EYS: variants seen among roughly 807,000 people sequenced by gnomAD.
EYS encodes protein eyes shut homolog.
Under a neutral mutation model 282.1 loss-of-function variants are expected in EYS, and 250 were observed. The ratio of observed to expected loss-of-function variants is 0.89; its 90% CI spans 0.80 to 0.98. The LOEUF is 0.98. Ranked by LOEUF, EYS falls within the 50% of genes least tolerant of loss-of-function variation. EYS has a pLI of 0.00. For missense variants in EYS, 4,016 were observed against 3,709.0 expected, an observed-to-expected ratio of 1.08 and a Z score of -2.15; for synonymous variants, 1,355 against 1,282.9, an observed-to-expected ratio of 1.06 and a Z score of -1.20.
intron 22 of EYS, 121 bp from the exon 23 acceptor site, chr6:64,626,366 G>T: frequency 8.3e-7 from 1 of 1,209,376 alleles, no homozygotes; most frequent in Non-Finnish European, 1.1e-6. Flanking sequence ...GTAGCTGGGA[G>T]CCTTCCTTGG....
chr6:64,418,580 A>G (rs2150449190), intron 28 of EYS, among the ~76,000 whole-genome samples: 1 of 152,292 alleles, frequency 6.6e-6, no homozygotes, highest in East Asian at 1.9e-4. Context: ...CACTGTCATA[A>G]AATCACAGGG....
chr6:64,916,920 TA>T (rs1293405625), intron 15 of EYS, among the ~76,000 whole-genome samples: 1 of 152,190 alleles, frequency 6.6e-6, no homozygotes, highest in East Asian at 1.9e-4. Flanking sequence ...AAGCTGATAA[TA>T]GAAAATAAAG....
chr6:64,261,808 G>A (rs1163131066), intron 30 of EYS, among the ~76,000 whole-genome samples: 4 of 149,480 alleles, frequency 2.7e-5, no homozygotes, highest in Non-Finnish European at 4.4e-5. Flanking sequence ...TTCTTTTTCT[G>A]GAGTGTAGTT....
chr6:64,321,711 T>C (rs1053970579), intron 29 of EYS, among the ~76,000 whole-genome samples: 4 of 151,922 alleles, frequency 2.6e-5, no homozygotes, highest in Non-Finnish European at 5.9e-5. Context: ...TCTAAGGCCA[T>C]ATGGATGAAC....
intron 2 of EYS, among the ~76,000 whole-genome samples, chr6:65,614,099 T>G (rs775872651): frequency 2.0e-5 from 3 of 152,028 alleles, no homozygotes; most frequent in Non-Finnish European, 4.4e-5. Context: ...TAAATTTCAC[T>G]TATTTCATTT....
At chr6:64,196,505 CAAT>C (rs1380818742) in intron 31 of EYS, among the ~76,000 whole-genome samples, 3 of 151,984 alleles carry the variant, frequency 2.0e-5, no homozygotes, top group Non-Finnish European at 4.4e-5. Context: ...AAATGTCCAA[CAAT>C]GATAGACTGG....
At chr6:64,825,300 C>T (rs994312671) in intron 19 of EYS, among the ~76,000 whole-genome samples, 1 of 151,900 alleles carries the variant, frequency 6.6e-6, no homozygotes, top group Non-Finnish European at 1.5e-5. Context: ...ATGTTTCCCT[C>T]CTGTAACAAG....
intron 30 of EYS, among the ~76,000 whole-genome samples, chr6:64,251,659 G>C (rs1767222151): frequency 6.6e-6 from 1 of 152,074 alleles, no homozygotes; most frequent in Non-Finnish European, 1.5e-5. Context: ...TATAAAACCA[G>C]TATTATGACC....
At chr6:64,026,723 A>G (rs1769534329) in intron 33 of EYS, among the ~76,000 whole-genome samples, 2 of 152,156 alleles carry the variant, frequency 1.3e-5, no homozygotes, top group Non-Finnish European at 2.9e-5. Flanking sequence ...CCTATTAATG[A>G]TAATCCTCCT....
chr6:64,676,982 A>G (rs1769711299), intron 22 of EYS, among the ~76,000 whole-genome samples: 1 of 152,134 alleles, frequency 6.6e-6, no homozygotes. Context: ...TTATATGTTA[A>G]AGTGCAAATG....
intron 26 of EYS, among the ~76,000 whole-genome samples, chr6:64,461,597 C>A (rs1775749907): frequency 6.6e-6 from 1 of 152,044 alleles, no homozygotes. Context: ...AATATTTTGC[C>A]TTATTTTCTT....
intron 1 of EYS, among the ~76,000 whole-genome samples, chr6:65,682,055 T>G (rs1258500940): frequency 6.6e-6 from 1 of 151,946 alleles, no homozygotes; most frequent in African/African-American, 2.4e-5. Flanking sequence ...TGCCTTTTGT[T>G]TCAGTGGTGT....
intron 36 of EYS, among the ~76,000 whole-genome samples, chr6:63,850,493 C>T (rs1581892439): frequency 1.3e-5 from 2 of 152,292 alleles, no homozygotes; most frequent in East Asian, 1.9e-4. Flanking sequence ...TGCAGAAACC[C>T]TACAAGCCAG....
At chr6:64,627,836 T>C (rs1435756121) in intron 22 of EYS, among the ~76,000 whole-genome samples, 4 of 152,152 alleles carry the variant, frequency 2.6e-5, no homozygotes, top group South Asian at 2.1e-4. Context: ...TCCCAGCATT[T>C]TGGGAGACCG....
At chr6:65,511,119 C>G (rs1466641385) in intron 2 of EYS, among the ~76,000 whole-genome samples, 1 of 152,060 alleles carries the variant, frequency 6.6e-6, no homozygotes, top group Non-Finnish European at 1.5e-5. Context: ...AATTGACAAA[C>G]AGTAACTAGA....
Position 65,123,601 on chromosome 6 carries a change from G to A in EYS, c.2024-65874C>T, listed in dbSNP as rs1226513843. On this transcript the variant is annotated intron_variant, in intron 12 of 42. Transcript: ENST00000503581. ...GCAATTGAGGAAGGAAACAATACAA[G>A]AGCAGAAGGTTGACAAACCAGAGTG... Among the ~76,000 whole-genome samples the A allele has an allele frequency of 2.6e-5, 4 of 152,186 alleles. No individual in the cohort carries two copies. The East Asian group carries it at 7.7e-4, about 29-fold the overall frequency.
intron 14 of EYS, among the ~76,000 whole-genome samples, chr6:64,976,378 A>C (rs966920059): frequency 7.9e-5 from 12 of 152,104 alleles, no homozygotes; most frequent in African/African-American, 2.9e-4. Context: ...TATTAAAAAA[A>C]AAAACATGAA....
At chr6:64,535,083 C>T (rs1486918626) in intron 26 of EYS, among the ~76,000 whole-genome samples, 3 of 152,148 alleles carry the variant, frequency 2.0e-5, no homozygotes, top group African/African-American at 7.2e-5. Context: ...ATGCTTGCAT[C>T]TGACCTACTG....
chr6:64,756,203 A>G (rs1317362666), intron 22 of EYS, among the ~76,000 whole-genome samples: 1 of 152,186 alleles, frequency 6.6e-6, no homozygotes, highest in African/African-American at 2.4e-5. Context: ...TTTAAAGTCC[A>G]ATTCCATATA....
Sources: gnomAD v4.1 joint callset for allele counts (sites outside exome capture counted in the v4.1 genomes callset) on GRCh38, gnomAD v4.1.1 for gene constraint, MANE v1.5 for transcripts, NCBI Gene and HGNC (gene_info 2026-07-23, HGNC 2026-07-21) for gene names.